The following ARHGEF37 variants were observed in gnomAD, a reference collection of about 807,000 sequenced individuals.
ARHGEF37 encodes the protein Rho guanine nucleotide exchange factor (GEF) 37.
In ARHGEF37, 55 loss-of-function variants were observed where a neutral mutation model predicts 71.1. The ratio of observed to expected loss-of-function variants is 0.77; its 90% CI spans 0.62 to 0.97. The LOEUF is 0.97. ARHGEF37 is among the 50% of genes least tolerant of loss of function. The probability of loss-of-function intolerance (pLI) is 0.00; values close to 1 mark genes in which losing one functional copy is unlikely to be tolerated. For synonymous variants in ARHGEF37, 327 were observed against 350.6 expected, an observed-to-expected ratio of 0.93 and a Z score of 0.75; for missense variants, 765 against 836.8, an observed-to-expected ratio of 0.91 and a Z score of 1.06.
upstream of ARHGEF37, among the ~76,000 whole-genome samples, chr5:149,579,620 C>T (rs1440250205): frequency 6.6e-6 from 1 of 151,878 alleles, no homozygotes; most frequent in African/African-American, 2.4e-5. Context: ...CTCACTCTGT[C>T]GCCCAGGCTG....
intron 1 of ARHGEF37, among the ~76,000 whole-genome samples, chr5:149,565,491 A>G (rs1460644048): frequency 1.3e-5 from 2 of 152,208 alleles, no homozygotes; most frequent in Non-Finnish European, 2.9e-5. Context: ...TATCTACTAT[A>G]CAACATATAT....
intron 12 of ARHGEF37, among the ~76,000 whole-genome samples, chr5:149,631,284 C>T (rs1487886272): frequency 2.6e-5 from 4 of 151,818 alleles, no homozygotes; most frequent in African/African-American, 9.7e-5. Context: ...AATTCTCCCA[C>T]CTCAGCCTCC....
chr5:149,617,110 T>C (rs564274462), intron 5 of ARHGEF37, among the ~76,000 whole-genome samples: 1 of 152,340 alleles, frequency 6.6e-6, no homozygotes, highest in East Asian at 1.9e-4. Flanking sequence ...AAGTTTCTCT[T>C]TGATAGGACC....
chr5:149,618,822 C>CCCCA, intron 6 of ARHGEF37, 116 bp from the exon 7 acceptor site: 1 of 826,240 alleles, frequency 1.2e-6, no homozygotes, highest in Non-Finnish European at 2.0e-6. Context: ...GTTGCGAGAA[C>CCCCA]CAGCTCTGGT....
At chr5:149,566,785 G>A (rs1036034332) in intron 1 of ARHGEF37, among the ~76,000 whole-genome samples, 17 of 152,074 alleles carry the variant, frequency 1.1e-4, no homozygotes, top group East Asian at 5.8e-4. Context: ...CAACAGAACC[G>A]TTATCTCACT....
At position 149,633,938 on chromosome 5, in the gene ARHGEF37, T is replaced by C. The variant is rs1752960801; in HGVS notation, c.*1747T>C. 6.6e-6 allele frequency: 1 copy of C among 152,200 alleles called. No homozygotes were observed. Among genetic ancestry groups the C allele is most frequent in the Non-Finnish European group, 1.5e-5 (1 of 68,028 alleles). The allele number at this position is 152,200 out of a possible 1,614,324, so 9.4% of individuals were successfully genotyped here. On this transcript the variant is annotated 3_prime_UTR_variant, in exon 13 of 13. Coordinates refer to ENST00000333677, the MANE Select transcript of ARHGEF37 (RefSeq NM_001001669.3). ...TTGACTCATTCTCTCTGCTCTTTCC[T>C]GCTCAGATTTCTGATAAAAATAGAG...
At chr5:149,559,672 A>G (rs4705350) in intron 1 of ARHGEF37, among the ~76,000 whole-genome samples, 43,207 of 152,122 alleles carry the variant, frequency 0.28, 6,846 homozygotes, top group East Asian at 0.62. Context: ...ATTTCCAATT[A>G]TGTTTTGATA....
At chr5:149,564,021 T>C (rs1445497259) in intron 1 of ARHGEF37, among the ~76,000 whole-genome samples, 2 of 150,164 alleles carry the variant, frequency 1.3e-5, no homozygotes, top group Non-Finnish European at 3.0e-5. Flanking sequence ...GGCGCGATCT[T>C]GGCTCACTGC....
chr5:149,622,417 G>T (rs1028073050), intron 9 of ARHGEF37, among the ~76,000 whole-genome samples: 1 of 152,178 alleles, frequency 6.6e-6, no homozygotes, highest in East Asian at 1.9e-4. Flanking sequence ...ACACAGTAAG[G>T]AGTAAATGTC....
At chr5:149,615,733 T>TA (rs972083377) in intron 4 of ARHGEF37, among the ~76,000 whole-genome samples, 16 of 150,486 alleles carry the variant, frequency 1.1e-4, no homozygotes, top group Non-Finnish European at 1.8e-4. Context: ...CTACTAAAAA[T>TA]AAAAAAAAAT....
chr5:149,557,506 G>T lies in ARHGEF37; in HGVS notation c.-12+5383G>T, dbSNP rs551226842. ...TATTTATTTATTTATTTGGGACAGG[G>T]TCTCCTTCTGTTGCCCATGCTGGAG... On this transcript the variant is annotated intron_variant, in intron 1 of 2. Coordinates refer to the ARHGEF37 transcript ENST00000505810. 5.3e-5 allele frequency among the ~76,000 whole-genome samples: 8 copies of T among 152,190 alleles called. No homozygotes were observed. In the East Asian group the frequency reaches 1.2e-3, roughly 22 times the overall value.
In ARHGEF37 at chr5:149,621,844, C is replaced by T. The variant is rs369500713; in HGVS notation, c.1117C>T (p.Arg373Trp). The T allele has an allele frequency of 2.7e-5, 44 of 1,614,114 alleles. 1 individual carries two copies. Among genetic ancestry groups the T allele is most frequent in the South Asian group, 2.2e-4 (20 of 91,092 alleles). The change falls in exon 9 of 13, where the codon CGG becomes TGG. Residue 373 changes from arginine (R) to tryptophan (W), a missense_variant. This residue lies in a region of ARHGEF37 where 390 missense variants were observed against 407.4 expected (regional missense o/e 0.96). Transcript: ENST00000333677. ...TCTGGACAAGCTACTGGACTTTGAGCGGGTGGAAGAGAAGCTGCTGGAGGT... is the reference window on the plus strand; with the variant it reads ...TCTGGACAAGCTACTGGACTTTGAGTGGGTGGAAGAGAAGCTGCTGGAGGT... Reference protein sequence around the residue: ...KRLDKLLDFERVEEKLLEVGS... With the variant: ...KRLDKLLDFEWVEEKLLEVGS...
chr5:149,580,110 G>C (rs981616044), upstream of ARHGEF37, among the ~76,000 whole-genome samples: 1 of 151,860 alleles, frequency 6.6e-6, no homozygotes. Context: ...CACCAGGCTG[G>C]AGTTCAGTGG....
At chr5:149,598,505 T>G (rs1383970998) in intron 2 of ARHGEF37, among the ~76,000 whole-genome samples, 1 of 150,966 alleles carries the variant, frequency 6.6e-6, no homozygotes, top group African/African-American at 2.4e-5. Context: ...TCTTCTTCTT[T>G]TTTTCCTGCT....
At chr5:149,565,095 G>A (rs972503517) in intron 1 of ARHGEF37, among the ~76,000 whole-genome samples, 1 of 152,216 alleles carries the variant, frequency 6.6e-6, no homozygotes, top group African/African-American at 2.4e-5. Flanking sequence ...CCAGGCAAGT[G>A]TTAGGAGATT....
At chr5:149,618,883 C>G in intron 6 of ARHGEF37, 55 bp from the exon 7 acceptor site, 1 of 1,411,944 alleles carries the variant, frequency 7.1e-7, no homozygotes, top group African/African-American at 1.4e-5. Flanking sequence ...ACACTGAAGC[C>G]GGTGTACACT....
At chr5:149,613,764 CTTTT>C (rs5872138) in intron 4 of ARHGEF37, among the ~76,000 whole-genome samples, 15 of 133,240 alleles carry the variant, frequency 1.1e-4, no homozygotes, top group Non-Finnish European at 9.7e-5. Flanking sequence ...ACAGTGTTTT[CTTTT>C]TTTTTTTTTT....
rs148949264 is a variant in ARHGEF37, at chr5:149,560,971, T to C, written c.-12+8848T>C. Among the ~76,000 whole-genome samples the C allele has an allele frequency of 2.9e-3, 447 of 151,800 alleles. 3 individuals carry two copies. Among genetic ancestry groups the C allele is most frequent in the African/African-American group, 0.011 (438 of 41,372 alleles). On this transcript the variant is annotated intron_variant, in intron 1 of 2. Transcript: ENST00000505810. ...ACCGCAAAACATACCAATAGATAGGTAGTTAGAAATTAGAAGATACTGGCC... is the reference window on the plus strand; with the variant it reads ...ACCGCAAAACATACCAATAGATAGGCAGTTAGAAATTAGAAGATACTGGCC...
intron 1 of ARHGEF37, among the ~76,000 whole-genome samples, chr5:149,597,549 A>T (rs774965214): frequency 1.4e-4 from 21 of 152,136 alleles, no homozygotes; most frequent in South Asian, 4.1e-4. Flanking sequence ...ATGAGCCACC[A>T]CCTAAAATGT....
Sources: allele counts gnomAD v4.1 joint callset (sites outside exome capture counted in the v4.1 genomes callset), GRCh38; gene constraint gnomAD v4.1.1; regional missense constraint gnomAD v4.1.1; transcripts MANE v1.5; gene names NCBI Gene and HGNC (gene_info 2026-07-23, HGNC 2026-07-21).